The following CAMK1D variants were observed in gnomAD, a reference collection of about 807,000 sequenced individuals.
CAMK1D encodes calcium/calmodulin-dependent protein kinase type 1D.
In CAMK1D, 9 loss-of-function variants were observed where a neutral mutation model predicts 47.7. That is an observed-to-expected ratio of 0.19 (90% CI 0.11 to 0.33). The LOEUF is 0.33. CAMK1D is among the 10% of genes least tolerant of loss of function. The pLI is 1.00. For synonymous variants in CAMK1D, 184 were observed against 184.9 expected (o/e 0.99, Z 0.04); for missense variants, 291 against 488.7 (o/e 0.60, Z 3.81).
chr10:12,351,970 T>C (rs144831554), intron 1 of CAMK1D, among the ~76,000 whole-genome samples: 2 of 152,308 alleles, frequency 1.3e-5, no homozygotes, highest in East Asian at 3.9e-4. Context: ...ATAATAATCA[T>C]GGTAATCATA....
chr10:12,655,103 GAA>G (rs1310729246), intron 2 of CAMK1D, among the ~76,000 whole-genome samples: 1 of 152,194 alleles, frequency 6.6e-6, no homozygotes, highest in African/African-American at 2.4e-5. Context: ...TAATTTATAG[GAA>G]AAGAGGTTTA....
chr10:12,636,089 A>G (rs1277217842), intron 2 of CAMK1D, among the ~76,000 whole-genome samples: 1 of 152,244 alleles, frequency 6.6e-6, no homozygotes, highest in Non-Finnish European at 1.5e-5. Flanking sequence ...ATTTTTAAGT[A>G]TCCAGTTCAG....
At chr10:12,798,770 A>C (rs1417607148) in intron 6 of CAMK1D, among the ~76,000 whole-genome samples, 1 of 152,250 alleles carries the variant, frequency 6.6e-6, no homozygotes. Context: ...TTGAACTTTT[A>C]ATATCTCAAA....
intron 1 of CAMK1D, among the ~76,000 whole-genome samples, chr10:12,359,514 T>G (rs1837601980): frequency 1.3e-5 from 2 of 150,320 alleles, no homozygotes; most frequent in African/African-American, 2.5e-5. Context: ...TCCCCCTGGG[T>G]AGCTTCTCGG....
At position 12,664,588 on chromosome 10, in the gene CAMK1D, C is replaced by T. The variant is rs527690252; in HGVS notation, c.225-2148C>T. Among the ~76,000 whole-genome samples the T allele has an allele frequency of 3.9e-5, 6 of 152,316 alleles. No individual in the cohort carries two copies. The South Asian group carries it at 1.0e-3, about 26-fold the overall frequency. On this transcript the variant is annotated intron_variant, in intron 2 of 10. Transcript: ENST00000619168. ...GCTCAGACAGCCTTCTTGACTCAAC[C>T]TCCAAGGCAAGCCAGGGCTGCAGGT...
chr10:12,354,487 G>A (rs10795951), intron 1 of CAMK1D, among the ~76,000 whole-genome samples: 37,169 of 150,316 alleles, frequency 0.25, 4,753 homozygotes, highest in East Asian at 0.34. Flanking sequence ...GTGCAGTGGC[G>A]GGATCTCAGC....
At chr10:12,544,752 G>A (rs1701207395) in intron 1 of CAMK1D, among the ~76,000 whole-genome samples, 1 of 152,048 alleles carries the variant, frequency 6.6e-6, no homozygotes, top group African/African-American at 2.4e-5. Context: ...TACTAGTATT[G>A]AGTGGATGGT....
chr10:12,402,068 G>GTA (rs199677834), intron 1 of CAMK1D, among the ~76,000 whole-genome samples: 2 of 151,316 alleles, frequency 1.3e-5, no homozygotes, highest in Non-Finnish European at 2.9e-5. Context: ...GCTAATTTTT[G>GTA]TATATATATA....
At chr10:12,412,615 C>T (rs1009088226) in intron 1 of CAMK1D, among the ~76,000 whole-genome samples, 6 of 137,144 alleles carry the variant, frequency 4.4e-5, no homozygotes, top group South Asian at 4.6e-4. Flanking sequence ...AAGAGTGAGA[C>T]GCCATCTCAA....
intron 2 of CAMK1D, among the ~76,000 whole-genome samples, chr10:12,595,211 A>G (rs929949220): frequency 1.3e-5 from 2 of 151,894 alleles, no homozygotes; most frequent in Admixed American, 1.3e-4. Context: ...GCATGGTGGC[A>G]TGTGCCTTCA....
chr10:12,720,630 C>G (rs1834333360), intron 3 of CAMK1D, among the ~76,000 whole-genome samples: 1 of 152,228 alleles, frequency 6.6e-6, no homozygotes. Flanking sequence ...GTGGCTGGCA[C>G]AGTGCCCTGA....
At chr10:12,580,338 C>CTT (rs5783277) in intron 2 of CAMK1D, among the ~76,000 whole-genome samples, 1,944 of 120,650 alleles carry the variant, frequency 0.016, 59 homozygotes, top group East Asian at 0.057. Flanking sequence ...CCCTTCCTTC[C>CTT]TTTTTTTTTT....
chr10:12,370,334 CAAT>C (rs76159653), intron 1 of CAMK1D, among the ~76,000 whole-genome samples: 13,196 of 152,090 alleles, frequency 0.087, 813 homozygotes, highest in East Asian at 0.25. Context: ...TGATAATAAA[CAAT>C]GATGTTACTG....
chr10:12,825,159 A>G lies in CAMK1D; in HGVS notation c.922-414A>G, dbSNP rs1236732336. 4.6e-5 allele frequency among the ~76,000 whole-genome samples: 7 copies of G among 152,354 alleles called. 2 individuals are homozygous for G. The highest frequency in any genetic ancestry group is 1.4e-4 in the African/African-American group (6 of 41,586). ...CGCAAAAGTAGTTGTGGTTTCTTCC[A>G]TTAAAATTGCCATTACTTTTGCACC... On this transcript the variant is annotated intron_variant, in intron 9 of 10. Transcript: ENST00000619168.
At chr10:12,480,914 C>T (rs780501120) in intron 1 of CAMK1D, among the ~76,000 whole-genome samples, 12 of 152,236 alleles carry the variant, frequency 7.9e-5, no homozygotes, top group South Asian at 2.1e-4. Flanking sequence ...TGAAAGAGAT[C>T]GGATCTAACC....
intron 3 of CAMK1D, among the ~76,000 whole-genome samples, chr10:12,672,568 A>G (rs1159641686): frequency 1.3e-5 from 2 of 151,776 alleles, no homozygotes; most frequent in Non-Finnish European, 2.9e-5. Context: ...ACAGGGTTTC[A>G]CCATGTTGGC....
At chr10:12,520,935 A>AGAGGGAGAGG (rs1284352744) in intron 1 of CAMK1D, among the ~76,000 whole-genome samples, 2 of 8,496 alleles carry the variant, frequency 2.4e-4, no homozygotes, top group Non-Finnish European at 4.3e-4. Flanking sequence ...GACCGTGGGG[A>AGAGGGAGAGG]GAGGGAGAGG....
chr10:12,420,959 A>G (rs1212014574), intron 1 of CAMK1D, among the ~76,000 whole-genome samples: 1 of 152,054 alleles, frequency 6.6e-6, no homozygotes, highest in Non-Finnish European at 1.5e-5. Context: ...TCTGGGAGAG[A>G]GACAGGTGTA....
At chr10:12,587,792 T>C (rs957472016) in intron 2 of CAMK1D, among the ~76,000 whole-genome samples, 1 of 152,218 alleles carries the variant, frequency 6.6e-6, no homozygotes, top group Non-Finnish European at 1.5e-5. Flanking sequence ...CAAGAGAGAA[T>C]AGAGTTTGCC....
Sources: allele counts gnomAD v4.1 joint callset (sites outside exome capture counted in the v4.1 genomes callset), GRCh38; gene constraint gnomAD v4.1.1; transcripts MANE v1.5; gene names NCBI Gene and HGNC (gene_info 2026-07-23, HGNC 2026-07-21).